WWOX: variants seen among roughly 807,000 people sequenced by gnomAD.
The protein encoded by WWOX is WW domain containing oxidoreductase.
WWOX carries 69 observed loss-of-function variants against 46.2 expected under a neutral mutation model. The observed-to-expected ratio is 1.49, with a 90% confidence interval of 1.23 to 1.82. The LOEUF is 1.82. Ranked by LOEUF, WWOX falls within the 40% of genes most tolerant of loss-of-function variation. The pLI, the probability that WWOX is intolerant of heterozygous loss-of-function variation, is 0.00. For missense variants in WWOX, 919 were observed against 542.6 expected (o/e 1.69, Z -6.89); for synonymous variants, 359 against 202.6 (o/e 1.77, Z -6.56).
chr16:78,734,094 C>T (rs1056167202), intron 8 of WWOX, among the ~76,000 whole-genome samples: 1 of 151,836 alleles, frequency 6.6e-6, no homozygotes, highest in African/African-American at 2.4e-5. Flanking sequence ...AATAAGTCGT[C>T]CATCCGTCCA....
intron 8 of WWOX, among the ~76,000 whole-genome samples, chr16:78,901,002 G>C (rs755909775): frequency 2.2e-4 from 33 of 152,174 alleles, no homozygotes; most frequent in Admixed American, 9.8e-4. Flanking sequence ...ATATTTTGAA[G>C]TTTCCAAGAA....
chr16:78,228,140 T>G (rs2037130118), intron 5 of WWOX, among the ~76,000 whole-genome samples: 1 of 152,064 alleles, frequency 6.6e-6, no homozygotes, highest in Admixed American at 6.5e-5. Context: ...GGCCCATCTC[T>G]TCCAGCCTTT....
intron 8 of WWOX, among the ~76,000 whole-genome samples, chr16:78,913,823 GC>G (rs1261715428): frequency 6.6e-6 from 1 of 151,842 alleles, no homozygotes; most frequent in African/African-American, 2.4e-5. Context: ...ACAATGCCCA[GC>G]TAACTTTTGT....
intron 8 of WWOX, among the ~76,000 whole-genome samples, chr16:79,008,633 G>C (rs968830865): frequency 1.3e-5 from 2 of 152,312 alleles, no homozygotes; most frequent in Admixed American, 6.5e-5. Flanking sequence ...GGCCATGGAA[G>C]GACAGAGCTT....
At chr16:78,929,072 G>C (rs867537880) in intron 8 of WWOX, among the ~76,000 whole-genome samples, 32 of 152,232 alleles carry the variant, frequency 2.1e-4, no homozygotes, top group African/African-American at 7.2e-4. Flanking sequence ...TCATTGCACA[G>C]AACATCCAAG....
At chr16:78,815,872 G>T (rs747003983) in intron 8 of WWOX, among the ~76,000 whole-genome samples, 6 of 152,082 alleles carry the variant, frequency 3.9e-5, no homozygotes, top group Non-Finnish European at 7.4e-5. Context: ...ATATAAACTT[G>T]AGAGTGACTT....
At chr16:78,926,735 C>A (rs917006722) in intron 8 of WWOX, among the ~76,000 whole-genome samples, 9 of 152,072 alleles carry the variant, frequency 5.9e-5, no homozygotes, top group African/African-American at 2.2e-4. Flanking sequence ...AAAAGTCTTT[C>A]TACATTTCTA....
chr16:78,864,442 A>AT (rs1056966052), intron 8 of WWOX, among the ~76,000 whole-genome samples: 26 of 151,812 alleles, frequency 1.7e-4, no homozygotes, highest in Non-Finnish European at 2.5e-4. Flanking sequence ...TAAGTTTTGT[A>AT]TTTTTTTGTA....
At chr16:78,557,421 C>T (rs1001913318) in intron 8 of WWOX, among the ~76,000 whole-genome samples, 7 of 152,252 alleles carry the variant, frequency 4.6e-5, no homozygotes, top group East Asian at 3.9e-4. Flanking sequence ...GATGTTAGCA[C>T]GTGCAGGCAC....
chr16:78,110,488 G>T (rs1051758205), intron 3 of WWOX, among the ~76,000 whole-genome samples: 1 of 151,468 alleles, frequency 6.6e-6, no homozygotes, highest in African/African-American at 2.4e-5. Flanking sequence ...TTATTATTTT[G>T]TACAGATATA....
intron 8 of WWOX, among the ~76,000 whole-genome samples, chr16:78,998,612 C>T (rs905158969): frequency 6.6e-6 from 1 of 152,144 alleles, no homozygotes; most frequent in Non-Finnish European, 1.5e-5. Context: ...TTAGTATATA[C>T]AATAGGTGTA....
At chr16:78,805,562 C>T (rs1034925675) in intron 8 of WWOX, among the ~76,000 whole-genome samples, 3 of 151,200 alleles carry the variant, frequency 2.0e-5, no homozygotes, top group African/African-American at 2.5e-5. Context: ...GGATTACAGG[C>T]GTGAGCTGAC....
intron 8 of WWOX, among the ~76,000 whole-genome samples, chr16:78,877,585 T>A (rs973710813): frequency 6.6e-6 from 1 of 152,250 alleles, no homozygotes; most frequent in South Asian, 2.1e-4. Flanking sequence ...GTGGCACTTA[T>A]TATATCACAT....
In WWOX at chr16:78,342,010, G is replaced by T. The variant is rs934663984; in HGVS notation, c.517-44850G>T. 1.7e-5 allele frequency among the ~76,000 whole-genome samples: 2 copies of T among 120,554 alleles called. 1 individual carries two copies. Among genetic ancestry groups the T allele is most frequent in the Non-Finnish European group, 4.0e-5 (2 of 50,502 alleles). The allele number at this position is 120,554 out of a possible 152,430, so 79.1% of individuals were successfully genotyped here. A position where few individuals can be genotyped will look rare whatever the true frequency, so the allele number is the denominator to read the frequency against. Reference sequence around the variant, plus strand: ...GCTCACCTATAGTACCAGGTACTTCGGAGGCTGAGGCAGCAGAATGGCTTG... The same window carrying T: ...GCTCACCTATAGTACCAGGTACTTCTGAGGCTGAGGCAGCAGAATGGCTTG... On this transcript the variant is annotated intron_variant, in intron 5 of 8. Coordinates refer to ENST00000566780, the MANE Select transcript of WWOX (RefSeq NM_016373.4).
chr16:78,518,513 G>A (rs1227817326), intron 8 of WWOX, among the ~76,000 whole-genome samples: 4 of 152,092 alleles, frequency 2.6e-5, no homozygotes, highest in Admixed American at 6.5e-5. Flanking sequence ...GAGTGACCAC[G>A]CCTGGCCCAT....
At chr16:78,992,948 A>G (rs924513444) in intron 8 of WWOX, among the ~76,000 whole-genome samples, 2 of 9,944 alleles carry the variant, frequency 2.0e-4, no homozygotes, top group Non-Finnish European at 7.2e-4. Context: ...TTAGAGTCTC[A>G]TCTTTAAAAA....
chr16:78,470,489 C>T (rs1169729429), intron 8 of WWOX, among the ~76,000 whole-genome samples: 1 of 152,234 alleles, frequency 6.6e-6, no homozygotes, highest in Middle Eastern at 3.4e-3. Context: ...GAAGCAAGAC[C>T]CCACTCTTTT....
At chr16:79,014,328 C>G (rs1467593362) in intron 8 of WWOX, among the ~76,000 whole-genome samples, 1 of 152,180 alleles carries the variant, frequency 6.6e-6, no homozygotes, top group South Asian at 2.1e-4. Flanking sequence ...GTTCTGCTGG[C>G]AGTCGGGCAG....
At chr16:78,226,018 A>G (rs1431876846) in intron 5 of WWOX, among the ~76,000 whole-genome samples, 1 of 152,078 alleles carries the variant, frequency 6.6e-6, no homozygotes, top group Non-Finnish European at 1.5e-5. Context: ...TCTGCATCTT[A>G]AAAAAACAAA....
Sources: allele counts gnomAD v4.1 joint callset (sites outside exome capture counted in the v4.1 genomes callset), GRCh38; gene constraint gnomAD v4.1.1; transcripts MANE v1.5; gene names NCBI Gene and HGNC (gene_info 2026-07-23, HGNC 2026-07-21).